The following AGBL1 variants were observed in gnomAD, a reference collection of about 807,000 sequenced individuals.
AGBL1 encodes AGBL carboxypeptidase 1.
Under a neutral mutation model 118.9 loss-of-function variants are expected in AGBL1, and 130 were observed. That is an observed-to-expected ratio of 1.09 (90% confidence interval 0.95 to 1.26). The LOEUF is 1.26. Among genes scored for constraint, AGBL1 ranks in the 50% most tolerant of loss-of-function variants. The pLI is 0.00. For synonymous variants in AGBL1, 555 were observed against 478.9 expected (o/e 1.16, Z -2.08); for missense variants, 1,584 against 1,298.1 (o/e 1.22, Z -3.38).
intron 22 of AGBL1, among the ~76,000 whole-genome samples, chr15:86,822,095 T>C (rs1372282508): frequency 2.0e-5 from 3 of 152,184 alleles, no homozygotes; most frequent in Non-Finnish European, 4.4e-5. Context: ...CAGGGATTTA[T>C]TGCCATTTGG....
chr15:86,682,386 T>C (rs1480385202), intron 22 of AGBL1, among the ~76,000 whole-genome samples: 2 of 152,192 alleles, frequency 1.3e-5, no homozygotes, highest in African/African-American at 4.8e-5. Flanking sequence ...TCAAATATTT[T>C]TGGTATGATT....
chr15:86,333,692 G>A (rs1184172651), intron 17 of AGBL1, among the ~76,000 whole-genome samples: 1 of 152,036 alleles, frequency 6.6e-6, no homozygotes, highest in East Asian at 1.9e-4. Flanking sequence ...TATGAAACCA[G>A]CATCACCTTG....
chr15:86,894,427 G>C (rs1179623093), intron 22 of AGBL1, among the ~76,000 whole-genome samples: 1 of 152,116 alleles, frequency 6.6e-6, no homozygotes, highest in African/African-American at 2.4e-5. Flanking sequence ...TGCAGAGAGA[G>C]CAACTCTGCA....
intron 22 of AGBL1, among the ~76,000 whole-genome samples, chr15:86,717,133 G>C (rs765987202): frequency 1.3e-5 from 2 of 152,160 alleles, no homozygotes; most frequent in African/African-American, 4.8e-5. Context: ...TGGTTAAGAG[G>C]CAAAGATGAA....
intron 18 of AGBL1, among the ~76,000 whole-genome samples, chr15:86,476,563 G>A (rs1007079037): frequency 7.8e-4 from 119 of 152,260 alleles, no homozygotes; most frequent in Non-Finnish European, 1.3e-3. Context: ...CAATACAGGA[G>A]CACCCAGATT....
rs1158071149 is a variant in AGBL1 at position 86,613,305 on chromosome 15, C to T, written c.2994+58768C>T. On this transcript the variant is annotated intron_variant, in intron 21 of 22. Transcript: ENST00000614907. This position sits in a 1 kb window ranked among gnomAD's most constrained non-coding sequence, Gnocchi z 4.2. ...TTGGAGAACTGCAGCATGGTGAAGG[C>T]AGTCGAGGTCCCATGAACTTGTAGG... 6.6e-6 allele frequency among the ~76,000 whole-genome samples: 1 copy of T among 152,154 alleles called. No homozygotes were observed. Among genetic ancestry groups the T allele is most frequent in the Non-Finnish European group, 1.5e-5 (1 of 68,038 alleles).
intron 24 of AGBL1, among the ~76,000 whole-genome samples, chr15:87,017,259 G>T (rs996590926): frequency 4.6e-5 from 7 of 152,072 alleles, no homozygotes; most frequent in Admixed American, 1.3e-4. Context: ...CCACAACACA[G>T]CACAATTCTG....
At chr15:86,975,934 G>GA (rs397720332) in intron 23 of AGBL1, among the ~76,000 whole-genome samples, 1 of 7,312 alleles carries the variant, frequency 1.4e-4, no homozygotes, top group Non-Finnish European at 3.6e-4. Flanking sequence ...TGACAGCAGA[G>GA]CAGTTTAACT....
At chr15:86,339,060 G>T (rs1354118650) in intron 17 of AGBL1, among the ~76,000 whole-genome samples, 1 of 152,084 alleles carries the variant, frequency 6.6e-6, no homozygotes, top group Non-Finnish European at 1.5e-5. Context: ...TCTTTAGTTT[G>T]TTAATATGGT....
intron 22 of AGBL1, among the ~76,000 whole-genome samples, chr15:86,706,138 A>T (rs1222975342): frequency 1.3e-5 from 2 of 152,116 alleles, no homozygotes; most frequent in African/African-American, 4.8e-5. Context: ...GTCTATATGG[A>T]TTATGAATAC....
chr15:86,868,823 C>T (rs540581039), intron 22 of AGBL1, among the ~76,000 whole-genome samples: 1 of 152,188 alleles, frequency 6.6e-6, no homozygotes, highest in Admixed American at 6.5e-5. Flanking sequence ...GGAATTGTGA[C>T]ATGCAACATG....
intron 6 of AGBL1, among the ~76,000 whole-genome samples, chr15:86,234,190 A>G (rs531389526): frequency 5.3e-5 from 8 of 152,100 alleles, no homozygotes; most frequent in Non-Finnish European, 7.4e-5. Context: ...AAAGTGCTCA[A>G]GGTGGCTTGG....
intron 20 of AGBL1, 88 bp downstream of exon 20, chr15:86,546,221 GTTTTTTT>G (rs374062180): frequency 2.8e-6 from 3 of 1,064,142 alleles, no homozygotes; most frequent in Non-Finnish European, 2.4e-6. Flanking sequence ...CATTTATTTA[GTTTTTTT>G]TTTTTTTTGT....
chr15:86,473,958 ATGAC>A (rs1406882096), intron 18 of AGBL1, among the ~76,000 whole-genome samples: 1 of 152,182 alleles, frequency 6.6e-6, no homozygotes, highest in Non-Finnish European at 1.5e-5. Flanking sequence ...CCCCACCTAG[ATGAC>A]TGGTCTGAAT....
chr15:86,776,269 C>T (rs374367243), intron 22 of AGBL1, among the ~76,000 whole-genome samples: 3 of 152,086 alleles, frequency 2.0e-5, no homozygotes, highest in Non-Finnish European at 2.9e-5. Flanking sequence ...TAAAAGTTCT[C>T]TATGTCAGCA....
intron 24 of AGBL1, among the ~76,000 whole-genome samples, chr15:87,011,475 G>T (rs547850730): frequency 6.6e-6 from 1 of 152,214 alleles, no homozygotes; most frequent in South Asian, 2.1e-4. Flanking sequence ...TGAATGTCCA[G>T]ATTTAAATAA....
At chr15:86,195,085 A>G (rs949577268) in intron 5 of AGBL1, among the ~76,000 whole-genome samples, 1 of 152,118 alleles carries the variant, frequency 6.6e-6, no homozygotes, top group Non-Finnish European at 1.5e-5. Context: ...TCACTTTTTC[A>G]TCATGCATTT....
chr15:86,120,471 G>A (rs1672399679), intron 1 of AGBL1, among the ~76,000 whole-genome samples: 1 of 152,184 alleles, frequency 6.6e-6, no homozygotes, highest in Admixed American at 6.5e-5. Context: ...TATTAAGCAT[G>A]CAAATCAATA....
intron 22 of AGBL1, among the ~76,000 whole-genome samples, chr15:86,848,008 C>T (rs951508191): frequency 2.0e-5 from 3 of 152,154 alleles, no homozygotes; most frequent in South Asian, 2.1e-4. Flanking sequence ...CCTATAAACA[C>T]GGACAATGCT....
Sources: allele counts gnomAD v4.1 joint callset (sites outside exome capture counted in the v4.1 genomes callset), GRCh38; gene constraint gnomAD v4.1.1; non-coding constraint Gnocchi (gnomAD v3.1); transcripts MANE v1.5; gene names NCBI Gene and HGNC (gene_info 2026-07-23, HGNC 2026-07-21).